SLC25A45: variants seen among roughly 807,000 people sequenced by gnomAD.
SLC25A45 encodes methylated amino-acid transporter SLC25A45.
A neutral mutation model predicts 23.0 loss-of-function variants in SLC25A45; 22 were observed. That is an observed-to-expected ratio of 0.95 (90% CI 0.68 to 1.36). SLC25A45 has a LOEUF of 1.36. Among genes scored for constraint, SLC25A45 ranks in the 40% most tolerant of loss-of-function variants. The probability of loss-of-function intolerance (pLI) is 0.00; values close to 1 mark genes in which losing one functional copy is unlikely to be tolerated. For missense variants in SLC25A45, 355 were observed against 383.5 expected (o/e 0.93, Z 0.62); for synonymous variants, 136 against 155.0 (o/e 0.88, Z 0.91).
chr11:65,381,892 C>G (rs1855580976), intron 2 of SLC25A45, 23 bp downstream of exon 2: 1 of 1,614,056 alleles, frequency 6.2e-7, no homozygotes, highest in African/African-American at 1.3e-5. Flanking sequence ...TGTGATGTGA[C>G]AGAAGGAAGA....
chr11:65,377,251 T>A (rs1855263344), intron 5 of SLC25A45, 175 bp from the exon 6 acceptor site: 1 of 1,428,952 alleles, frequency 7.0e-7, no homozygotes, highest in East Asian at 2.5e-5. Flanking sequence ...GATGTCTGCA[T>A]GCGACCGGGA....
In SLC25A45 at chr11:65,381,869, A is replaced by C. The variant is rs372262177; in HGVS notation, c.37+46T>G. The C allele has an allele frequency of 3.1e-6, 5 of 1,613,020 alleles. No homozygotes were observed. In the South Asian group the frequency reaches 5.5e-5, roughly 18 times the overall value. Reference sequence around the variant, plus strand: ...TGTCACCCATCTTCCCGAGGAAGTGACCTACCATTGGGTGTGATGTGACAG... The same window carrying C: ...TGTCACCCATCTTCCCGAGGAAGTGCCCTACCATTGGGTGTGATGTGACAG... On this transcript the variant is annotated intron_variant, in intron 2 of 6. Coordinates refer to ENST00000398802, the MANE Select transcript of SLC25A45 (RefSeq NM_182556.4).
rs752171238 is a variant in SLC25A45 at position 65,379,443 on chromosome 11, T to C, written c.272A>G (p.Glu91Gly). The C allele has an allele frequency of 1.9e-6, 3 of 1,613,970 alleles. No homozygotes were observed. The highest frequency in any genetic ancestry group is 2.5e-6 in the Non-Finnish European group (3 of 1,179,994). Residue 91 changes from glutamate to glycine, a missense_variant, in exon 5 of 7, where the codon GAG becomes GGG. Glu to Gly is a moderately conservative substitution (Grantham distance 98). Transcript: ENST00000398802. Reference sequence around the variant, plus strand: ...GTAGCTGGGCGGCTGGGCCCGCCGCTCCTGGTGGGAGGTGGCCGTGAGCAC... The same window carrying C: ...GTAGCTGGGCGGCTGGGCCCGCCGCCCCTGGTGGGAGGTGGCCGTGAGCAC... ...LLVLTATSHQ[E>G]RRAQPPSYMH...
chr11:65,379,812 C>G lies in SLC25A45; in HGVS notation c.153+55G>C, dbSNP rs1196420858. On this transcript the variant is annotated intron_variant, in intron 4 of 6. Transcript: ENST00000398802. Reference sequence around the variant, plus strand: ...TGCTGGAGAGGGAAGCTGGTACCAACAGCCCCAGATGCCTCCCCGAAAGGG... The same window carrying G: ...TGCTGGAGAGGGAAGCTGGTACCAAGAGCCCCAGATGCCTCCCCGAAAGGG... 4 of 1,596,100 alleles carry G rather than the reference C, an allele frequency of 2.5e-6. No individual in the cohort carries two copies. The East Asian group carries it at 8.9e-5, about 36-fold the overall frequency.
chr11:65,380,732 G>A, intron 2 of SLC25A45: 1 of 556,538 alleles, frequency 1.8e-6, no homozygotes, highest in Non-Finnish European at 2.8e-6. Context: ...GCTGGTTCTG[G>A]AGTTTGGGGG....
chr11:65,379,894 G>A lies in SLC25A45; in HGVS notation c.126C>T (p.Cys42=). Residue 42 remains cysteine (C), a synonymous_variant, in exon 4 of 7, where the codon TGC becomes TGT. Transcript: ENST00000398802. ...ACTCATGGCGGTAAATCTTGACCAT[G>A]CAATCAACGATGCCCCGGTAGGTGG... The part of the protein sequence containing the change: ...TQTTYRGIVD[C]MVKIYRHESL... 1 of 1,614,224 alleles carries A rather than the reference G, an allele frequency of 6.2e-7. No individual in the cohort carries two copies. Among genetic ancestry groups the A allele is most frequent in the Non-Finnish European group, 8.5e-7 (1 of 1,180,032 alleles).
rs781072249 is a variant in SLC25A45 at position 65,380,138 on chromosome 11, A to G, written c.75T>C (p.Thr25=). 1.9e-6 allele frequency: 3 copies of G among 1,613,976 alleles called. No homozygotes were observed. The highest frequency in any genetic ancestry group is 1.6e-4 in the Middle Eastern group (1 of 6,080). ...GCAGCTCTCCTAAACTCACCTTTAC[A>G]GTGTCAAACGGGTGTCCCAGGACCA... is the stretch of plus-strand genomic sequence containing the variant. The part of the protein sequence containing the change: ...LGLVLGHPFD[T]VKVRLQTQTT... Residue 25 remains threonine, a synonymous_variant, in exon 3 of 7, where the codon ACT becomes ACC. Coordinates refer to ENST00000398802, the MANE Select transcript of SLC25A45 (RefSeq NM_182556.4).
intron 3 of SLC25A45, 95 bp from the exon 4 acceptor site, chr11:65,380,033 A>G: frequency 6.3e-7 from 1 of 1,579,968 alleles, no homozygotes; most frequent in Non-Finnish European, 8.7e-7. Flanking sequence ...CCAGCAGGAG[A>G]GGCAGGAAAG....
chr11:65,377,313 T>C, intron 5 of SLC25A45: 1 of 1,375,790 alleles, frequency 7.3e-7, no homozygotes, highest in South Asian at 1.7e-5. Context: ...CTGCCCCTCA[T>C]GCAACAGTGA....
Position 65,379,922 on chromosome 11 carries a change from T to G in SLC25A45, c.98A>C (p.Gln33Pro). The change falls in exon 4 of 7, where the codon CAG becomes CCG. Residue 33 changes from glutamine to proline, a missense_variant. By Grantham distance (76) the Gln-to-Pro change is moderately conservative. Coordinates refer to ENST00000398802, the MANE Select transcript of SLC25A45 (RefSeq NM_182556.4). ...ATCAACGATGCCCCGGTAGGTGGTC[T>G]GGGTCTGCAGCCTCACCTGGGTGGG... ...FDTVKVRLQT[Q>P]TTYRGIVDCM... The G allele has an allele frequency of 2.5e-6, 4 of 1,614,184 alleles. No individual in the cohort carries two copies. Among genetic ancestry groups the G allele is most frequent in the Non-Finnish European group, 3.4e-6 (4 of 1,180,006 alleles).
rs752179959 is a variant in SLC25A45 at position 65,381,881 on chromosome 11, G to T, written c.37+34C>A. The T allele has an allele frequency of 1.4e-5, 22 of 1,613,586 alleles. 1 individual carries two copies. The South Asian group carries it at 1.8e-4, about 13-fold the overall frequency. The stretch of plus-strand genomic sequence containing the variant: ...TCCCGAGGAAGTGACCTACCATTGG[G>T]TGTGATGTGACAGAAGGAAGAAAAA... On this transcript the variant is annotated intron_variant, in intron 2 of 6. Transcript: ENST00000398802.
At chr11:65,380,918 G>A in intron 2 of SLC25A45, 1 of 232,936 alleles carries the variant, frequency 4.3e-6, no homozygotes, top group South Asian at 4.5e-5. Flanking sequence ...GAGGTCAAAG[G>A]TGAACTTCCT....
rs377536664 is a variant in SLC25A45 at position 65,379,970 on chromosome 11, G to A, written c.82-32C>T. The stretch of plus-strand genomic sequence containing the variant: ...GGGAGGACAGAGCAGGTAGGGTGGC[G>A]GGATGGGCAGGTGGGCCAACCTTTC... On this transcript the variant is annotated intron_variant, in intron 3 of 6. Coordinates refer to ENST00000398802, the MANE Select transcript of SLC25A45 (RefSeq NM_182556.4). The A allele has an allele frequency of 2.6e-4, 423 of 1,613,292 alleles. 1 individual carries two copies. Among genetic ancestry groups the A allele is most frequent in the Non-Finnish European group, 3.3e-4 (393 of 1,179,244 alleles).
rs778973970 is a variant in SLC25A45 at position 65,376,589 on chromosome 11, T to C, written c.685A>G (p.Met229Val). ...ATPLDMIKSR[M>V]QMDGLRRRVY... ...CTGCGTCTCAGTCCATCCATCTGCA[T>C]CCGGGACTTGATCATGTCTAAGGGC... The change falls in exon 7 of 7, where the codon ATG (methionine) becomes GTG (valine). Residue 229 changes from methionine (M) to valine (V), a missense_variant. Coordinates refer to ENST00000398802, the MANE Select transcript of SLC25A45 (RefSeq NM_182556.4). 6.2e-7 allele frequency: 1 copy of C among 1,614,150 alleles called. No individual in the cohort carries two copies. The highest frequency in any genetic ancestry group is 8.5e-7 in the Non-Finnish European group (1 of 1,180,010).
chr11:65,379,710 C>T (rs907332976), intron 4 of SLC25A45, 149 bp from the exon 5 acceptor site: 2 of 1,258,376 alleles, frequency 1.6e-6, no homozygotes, highest in Non-Finnish European at 2.2e-6. Flanking sequence ...TGAGGCTGCG[C>T]CTCTGGGGTG....
At chr11:65,377,279 C>T in intron 5 of SLC25A45, 2 of 1,415,096 alleles carry the variant, frequency 1.4e-6, no homozygotes, top group South Asian at 3.1e-5. Context: ...CCTCCCTTGG[C>T]ATCAGGCCCA....
Position 65,376,536 on chromosome 11 carries a change from C to T in SLC25A45, c.738G>A (p.Met246Ile), listed in dbSNP as rs1256843801. The T allele has an allele frequency of 6.2e-7, 1 of 1,614,212 alleles. No homozygotes were observed. The highest frequency in any genetic ancestry group is 1.7e-5 in the Admixed American group (1 of 60,024). The change falls in exon 7 of 7, where the codon ATG becomes ATA. Residue 246 changes from methionine to isoleucine, a missense_variant. Physicochemically the swap from Met to Ile is conservative, Grantham distance 10 (BLOSUM62 1). Transcript: ENST00000398802. Reference protein sequence around the residue: ...RRVYQGMLDCMVSSIRQEGLG... With the variant: ...RRVYQGMLDCIVSSIRQEGLG... Reference sequence around the variant, plus strand: ...GTCCTTCCTGCCGGATGCTGCTCACCATGCAGTCCAGCATCCCCTGGTACA... The same window carrying T: ...GTCCTTCCTGCCGGATGCTGCTCACTATGCAGTCCAGCATCCCCTGGTACA...
chr11:65,379,016 G>A (rs542296043), intron 5 of SLC25A45: 2 of 287,632 alleles, frequency 7.0e-6, no homozygotes, highest in Admixed American at 5.0e-5. Context: ...ACAGCTCTGC[G>A]GGGTGCTGGT....
At chr11:65,381,110 C>A (rs1855528900) in intron 2 of SLC25A45, 1 of 153,254 alleles carries the variant, frequency 6.5e-6, no homozygotes, top group Non-Finnish European at 1.5e-5. Context: ...GGACAGCTGG[C>A]TCTGGGGTGC....
Sources: gnomAD v4.1 joint callset for allele counts on GRCh38, gnomAD v4.1.1 for gene constraint, MANE v1.5 for transcripts, NCBI Gene and HGNC (gene_info 2026-07-23, HGNC 2026-07-21) for gene names.